Variants in SPON1 observed in about 807,000 individuals in gnomAD.
SPON1 encodes the protein spondin-1.
A neutral mutation model predicts 111.7 loss-of-function variants in SPON1; 52 were observed. The ratio of observed to expected loss-of-function variants is 0.47; its 90% CI spans 0.37 to 0.59. SPON1 has a LOEUF of 0.59. Ranked by LOEUF, SPON1 falls within the 20% of genes least tolerant of loss-of-function variation. The pLI is 0.00. For missense variants in SPON1, 957 were observed against 1,068.5 expected, an observed-to-expected ratio of 0.90 and a Z score of 1.46; for synonymous variants, 410 against 395.8, an observed-to-expected ratio of 1.04 and a Z score of -0.43.
At chr11:14,055,848 C>T (rs781999693) in intron 3 of SPON1, among the ~76,000 whole-genome samples, 3 of 152,234 alleles carry the variant, frequency 2.0e-5, no homozygotes, top group East Asian at 1.9e-4. Context: ...CTTAGGCCCA[C>T]GAGCCCAAGC....
intron 3 of SPON1, among the ~76,000 whole-genome samples, chr11:14,043,690 TC>T (rs1320189525): frequency 4.1e-4 from 63 of 152,282 alleles, no homozygotes; most frequent in African/African-American, 1.4e-3. Context: ...AAAGCTCTCA[TC>T]CCTCTGGCCC....
At chr11:14,258,626 G>A (rs868936658) in intron 11 of SPON1, among the ~76,000 whole-genome samples, 5 of 152,214 alleles carry the variant, frequency 3.3e-5, no homozygotes, top group Non-Finnish European at 4.4e-5. Flanking sequence ...CTTCCAAGCC[G>A]AGGATAAAGA....
chr11:14,263,906 G>GTA (rs1216722721), intron 15 of SPON1, among the ~76,000 whole-genome samples: 1 of 152,026 alleles, frequency 6.6e-6, no homozygotes, highest in East Asian at 1.9e-4. Context: ...GCGCACACCT[G>GTA]TAATCCCAGC....
chr11:13,977,626 C>T (rs1457919474), intron 1 of SPON1, among the ~76,000 whole-genome samples: 1 of 152,164 alleles, frequency 6.6e-6, no homozygotes, highest in African/African-American at 2.4e-5. Flanking sequence ...TTCTTTGACA[C>T]TGTGACTTGC....
At chr11:14,149,510 T>G (rs981202178) in intron 6 of SPON1, among the ~76,000 whole-genome samples, 60 of 152,246 alleles carry the variant, frequency 3.9e-4, no homozygotes, top group African/African-American at 1.4e-3. Context: ...TTTTATAAAT[T>G]TAGTGTAGCC....
rs573727289 is a variant in SPON1, at chr11:14,074,330, A to T, written c.480-1015A>T. Among the ~76,000 whole-genome samples the T allele has an allele frequency of 2.6e-5, 4 of 152,330 alleles. No individual in the cohort carries two copies. In the South Asian group the frequency reaches 8.3e-4, roughly 32 times the overall value. On this transcript the variant is annotated intron_variant, in intron 3 of 15. Transcript: ENST00000576479. Reference sequence around the variant, plus strand: ...AGTCATCCTGGCCTAGGCCCAGACCATCAGGAAGATTGCCTCTGTACTCTG... The same window carrying T: ...AGTCATCCTGGCCTAGGCCCAGACCTTCAGGAAGATTGCCTCTGTACTCTG...
rs1554921315 is a variant in SPON1, at chr11:14,075,327, G to A, written c.480-18G>A. 1.4e-5 allele frequency: 21 copies of A among 1,552,242 alleles called. No homozygotes were observed. Among genetic ancestry groups the A allele is most frequent in the Non-Finnish European group, 1.8e-5 (21 of 1,146,330 alleles). Reference sequence around the variant, plus strand: ...CCTGCCCTCCTCACCACTGTGCTTGGGTCTTCTTTCTTCACAGGGCCAGCA... The same window carrying A: ...CCTGCCCTCCTCACCACTGTGCTTGAGTCTTCTTTCTTCACAGGGCCAGCA... On this transcript the variant is annotated intron_variant, in intron 3 of 15. Transcript: ENST00000576479.
chr11:14,243,235 G>T lies in SPON1; in HGVS notation c.826-97G>T. 2.6e-6 allele frequency: 3 copies of T among 1,169,564 alleles called. No individual in the cohort carries two copies. The South Asian group carries it at 4.0e-5, about 15-fold the overall frequency. 72.4% of individuals were successfully genotyped at this position (1,169,564 alleles called of 1,614,324 possible). A position where few individuals can be genotyped will look rare whatever the true frequency, so the allele number is the denominator to read the frequency against. The stretch of plus-strand genomic sequence containing the variant: ...CAGGCAGGAAAAGCCCCAACAGCAG[G>T]TGAGGGAGTGGGGGTGAATGGTGTC... On this transcript the variant is annotated intron_variant, in intron 6 of 15. Coordinates refer to ENST00000576479, the MANE Select transcript of SPON1 (RefSeq NM_006108.4).
chr11:14,149,433 T>TA (rs149854224), intron 6 of SPON1, among the ~76,000 whole-genome samples: 1,827 of 152,070 alleles, frequency 0.012, 18 homozygotes, highest in African/African-American at 0.03. Flanking sequence ...GTTAAAAAGG[T>TA]AAAAAAAAGT....
chr11:14,113,467 C>T (rs1450858869), intron 5 of SPON1, among the ~76,000 whole-genome samples: 1 of 151,512 alleles, frequency 6.6e-6, no homozygotes, highest in South Asian at 2.1e-4. Context: ...TGTTCTCCTT[C>T]GCTTCTTAGC....
chr11:14,265,252 T>C (rs1434935949), intron 15 of SPON1, among the ~76,000 whole-genome samples: 2 of 152,196 alleles, frequency 1.3e-5, no homozygotes, highest in African/African-American at 4.8e-5. Context: ...TCATGTCCCA[T>C]TGGCCATGGC....
rs1181304468 is a variant in SPON1, at chr11:14,135,352, C to T, written c.677-68C>T. The T allele has an allele frequency of 1.3e-6, 2 of 1,536,892 alleles. No individual in the cohort carries two copies. The highest frequency in any genetic ancestry group is 1.8e-5 in the Admixed American group (1 of 54,766). On this transcript the variant is annotated intron_variant, in intron 5 of 15. Coordinates refer to ENST00000576479, the MANE Select transcript of SPON1 (RefSeq NM_006108.4). This position sits in a 1 kb window ranked among gnomAD's most constrained non-coding sequence, Gnocchi z 4.4. ...TCGATGTCCAATTACGCATCCTCCC[C>T]ATCATTTAAGGGACTCGTGTTTCAG...
At chr11:14,180,745 C>T (rs1338776669) in intron 6 of SPON1, among the ~76,000 whole-genome samples, 11 of 152,118 alleles carry the variant, frequency 7.2e-5, no homozygotes, top group African/African-American at 2.4e-4. Flanking sequence ...ATTGGCTGGA[C>T]GAACAAATAA....
At chr11:13,983,067 G>A (rs7934298) in intron 2 of SPON1, 114 bp downstream of exon 2, 17 of 665,402 alleles carry the variant, frequency 2.6e-5, no homozygotes, top group Admixed American at 2.2e-4. Context: ...GTTGGCCAAC[G>A]GGGGCAGGTC....
At chr11:14,230,632 C>T (rs1034212059) in intron 6 of SPON1, among the ~76,000 whole-genome samples, 1 of 152,238 alleles carries the variant, frequency 6.6e-6, no homozygotes, top group Admixed American at 6.5e-5. Flanking sequence ...CCCTACTCTC[C>T]TCCACAGGCA....
At chr11:14,194,338 C>G (rs140865035) in intron 6 of SPON1, among the ~76,000 whole-genome samples, 1 of 152,194 alleles carries the variant, frequency 6.6e-6, no homozygotes, top group Non-Finnish European at 1.5e-5. Context: ...TCCTCCATTT[C>G]CTTCAGCTCC....
chr11:14,160,921 ATATTTATATATTTATATATATATT>A (rs1847934291), intron 6 of SPON1, among the ~76,000 whole-genome samples: 1 of 57,900 alleles, frequency 1.7e-5, no homozygotes, highest in African/African-American at 6.7e-5. Flanking sequence ...ATATATTTAT[ATATTTATATATTTATATATATATT>A]TATATATTTA....
chr11:14,057,389 G>T (rs1322278963), intron 3 of SPON1, among the ~76,000 whole-genome samples: 1 of 152,170 alleles, frequency 6.6e-6, no homozygotes, highest in Admixed American at 6.5e-5. Context: ...GACTGAGGAA[G>T]ATTCTAGATT....
intron 2 of SPON1, among the ~76,000 whole-genome samples, chr11:13,991,922 T>C (rs782135995): frequency 6.6e-5 from 10 of 152,304 alleles, no homozygotes; most frequent in Non-Finnish European, 1.3e-4. Flanking sequence ...GCCTGATCTT[T>C]CCTCTGGAAG....
Sources: gnomAD v4.1 joint callset for allele counts (sites outside exome capture counted in the v4.1 genomes callset) on GRCh38, gnomAD v4.1.1 for gene constraint, Gnocchi (gnomAD v3.1) non-coding constraint, MANE v1.5 for transcripts, NCBI Gene and HGNC (gene_info 2026-07-23, HGNC 2026-07-21) for gene names.